Variants in NEBL observed in about 807,000 individuals in gnomAD.
The protein encoded by NEBL is LIM and SH3 protein 2.
A neutral mutation model predicts 140.2 loss-of-function variants in NEBL; 122 were observed. The observed-to-expected ratio is 0.87, with a 90% confidence interval of 0.75 to 1.01. The LOEUF is 1.01. Among genes scored for constraint, NEBL ranks in the 50% least tolerant of loss-of-function variants. The pLI is 0.00. For synonymous variants in NEBL, 436 were observed against 398.9 expected, an observed-to-expected ratio of 1.09 and a Z score of -1.11; for missense variants, 1,365 against 1,231.3, an observed-to-expected ratio of 1.11 and a Z score of -1.62.
chr10:21,007,706 A>C (rs1838188870), intron 3 of NEBL, among the ~76,000 whole-genome samples: 1 of 152,222 alleles, frequency 6.6e-6, no homozygotes, highest in South Asian at 2.1e-4. Context: ...AAAAACCTTA[A>C]ATTAATGAAC....
chr10:21,130,427 T>C (rs1477543374), intron 2 of NEBL, among the ~76,000 whole-genome samples: 1 of 151,988 alleles, frequency 6.6e-6, no homozygotes, highest in Non-Finnish European at 1.5e-5. Flanking sequence ...ATAGACTACT[T>C]TACCCAACAA....
intron 22 of NEBL, among the ~76,000 whole-genome samples, chr10:20,814,579 G>T (rs1417766919): frequency 6.6e-6 from 1 of 150,956 alleles, no homozygotes; most frequent in African/African-American, 2.5e-5. Flanking sequence ...TCCAGCCCGG[G>T]CAACAGAGAC....
intron 13 of NEBL, among the ~76,000 whole-genome samples, 184 bp from the exon 14 acceptor site, chr10:20,835,807 A>T (rs1353404656): frequency 6.6e-6 from 1 of 152,220 alleles, no homozygotes; most frequent in Non-Finnish European, 1.5e-5. Context: ...TCTCATTCTC[A>T]CTGAAGAAGG....
intron 3 of NEBL, among the ~76,000 whole-genome samples, chr10:20,980,766 T>G (rs1045264706): frequency 1.3e-5 from 2 of 152,236 alleles, no homozygotes. Flanking sequence ...CTGGCTGCCT[T>G]TGTTAACAAA....
At position 21,029,702 on chromosome 10, in the gene NEBL, G is replaced by A. The variant is rs557496416; in HGVS notation, c.165-9501C>T. 1,574 of 943,090 alleles carry A rather than the reference G, an allele frequency of 1.7e-3. 24 individuals are homozygous for A. The South Asian group carries it at 0.02, about 12-fold the overall frequency. 58.4% of individuals were successfully genotyped at this position (943,090 alleles called of 1,614,324 possible). On this transcript the variant is annotated intron_variant, in intron 2 of 6. Transcript: ENST00000417816. Reference sequence around the variant, plus strand: ...CGTTATGATTCAGACCAGTCTGGCCGTGGGTATTGGTATGAGTATCGGGAT... The same window carrying A: ...CGTTATGATTCAGACCAGTCTGGCCATGGGTATTGGTATGAGTATCGGGAT...
At chr10:20,868,598 TCTC>T in intron 7 of NEBL, 63 bp downstream of exon 7, 1 of 1,064,636 alleles carries the variant, frequency 9.4e-7, no homozygotes, top group Non-Finnish European at 1.5e-6. Context: ...AATGCAATAT[TCTC>T]CTGTGCTGTT....
In NEBL at chr10:20,849,355, AT is replaced by A. The variant is rs1035394096; in HGVS notation, c.1116+1039del. Reference sequence around the variant, plus strand: ...ACTCTTAATTGTTTATTGAAAAAAAATCAATCAAATACGCCGCCTATGCTTT... The same window carrying A: ...ACTCTTAATTGTTTATTGAAAAAAAACAATCAAATACGCCGCCTATGCTTT... On this transcript the variant is annotated intron_variant, in intron 11 of 27. Transcript: ENST00000377122. Among the ~76,000 whole-genome samples, 18 of 152,288 alleles carry A rather than the reference AT, an allele frequency of 1.2e-4. No individual in the cohort carries two copies. In the East Asian group the frequency reaches 2.1e-3, roughly 18 times the overall value.
At chr10:20,813,724 G>A in intron 23 of NEBL, 1 of 552,442 alleles carries the variant, frequency 1.8e-6, no homozygotes. Flanking sequence ...TAGAAATAAA[G>A]ACACACCAGA....
chr10:20,913,243 G>A (rs1848403207), intron 4 of NEBL, among the ~76,000 whole-genome samples: 1 of 152,176 alleles, frequency 6.6e-6, no homozygotes, highest in African/African-American at 2.4e-5. Context: ...CCTAGAGTAA[G>A]TGAAGAGAAC....
chr10:21,035,539 C>G (rs1206658592), intron 2 of NEBL, among the ~76,000 whole-genome samples: 1 of 152,120 alleles, frequency 6.6e-6, no homozygotes, highest in African/African-American at 2.4e-5. Flanking sequence ...TATACTTATT[C>G]CTGGCCATCG....
intron 2 of NEBL, among the ~76,000 whole-genome samples, chr10:21,139,800 A>G (rs528440424): frequency 2.4e-4 from 37 of 152,276 alleles, no homozygotes; most frequent in African/African-American, 8.7e-4. Flanking sequence ...TGAAAGCCAC[A>G]GTATTAATAA....
At chr10:21,223,909 C>A (rs1842108715) in intron 3 of NEBL, among the ~76,000 whole-genome samples, 1 of 152,078 alleles carries the variant, frequency 6.6e-6, no homozygotes, top group African/African-American at 2.4e-5. Flanking sequence ...TTGTTTTGAG[C>A]TCCTTATATA....
At chr10:21,044,241 A>G (rs1834398942) in intron 2 of NEBL, among the ~76,000 whole-genome samples, 1 of 151,958 alleles carries the variant, frequency 6.6e-6, no homozygotes, top group African/African-American at 2.4e-5. Context: ...TACCGAAAAT[A>G]CAAAAATTAG....
chr10:21,092,016 T>C (rs1836938446), intron 2 of NEBL, among the ~76,000 whole-genome samples: 1 of 152,242 alleles, frequency 6.6e-6, no homozygotes, highest in East Asian at 1.9e-4. Context: ...AACATATCTT[T>C]TTCTTCTATT....
At chr10:21,051,773 T>C (rs1257892012) in intron 2 of NEBL, among the ~76,000 whole-genome samples, 1 of 152,250 alleles carries the variant, frequency 6.6e-6, no homozygotes, top group Non-Finnish European at 1.5e-5. Context: ...GACTCTGTTT[T>C]TAAAACCACT....
At chr10:20,879,982 T>G (rs1845862926) in intron 5 of NEBL, among the ~76,000 whole-genome samples, 1 of 152,238 alleles carries the variant, frequency 6.6e-6, no homozygotes, top group South Asian at 2.1e-4. Context: ...TCCTCCGTTT[T>G]GGCTTTAAAG....
At chr10:20,870,401 A>G (rs1201685251) in intron 5 of NEBL, among the ~76,000 whole-genome samples, 1 of 151,796 alleles carries the variant, frequency 6.6e-6, no homozygotes, top group Non-Finnish European at 1.5e-5. Flanking sequence ...GCACAAAACC[A>G]ATCTTAAAGG....
chr10:20,856,616 C>T (rs184840437), intron 9 of NEBL, among the ~76,000 whole-genome samples: 40 of 152,168 alleles, frequency 2.6e-4, no homozygotes, highest in African/African-American at 9.2e-4. Context: ...TAGAGACACT[C>T]AAGGAATAGA....
intron 4 of NEBL, among the ~76,000 whole-genome samples, chr10:20,933,452 G>T (rs1834303471): frequency 6.6e-6 from 1 of 152,162 alleles, no homozygotes; most frequent in Admixed American, 6.5e-5. Flanking sequence ...TACAGAAGAA[G>T]GCCGGGTGCG....
Sources: gnomAD v4.1 joint callset for allele counts (sites outside exome capture counted in the v4.1 genomes callset) on GRCh38, gnomAD v4.1.1 for gene constraint, MANE v1.5 for transcripts, NCBI Gene and HGNC (gene_info 2026-07-23, HGNC 2026-07-21) for gene names.